The following CLIP3 variants were observed in gnomAD, a reference collection of about 807,000 sequenced individuals.
CLIP3 encodes the protein CAP-Gly domain-containing linker protein 3.
In CLIP3, 15 loss-of-function variants were observed where a neutral mutation model predicts 59.4. The observed-to-expected ratio is 0.25, with a 90% CI of 0.17 to 0.39. The LOEUF (loss-of-function observed/expected upper bound fraction) is 0.39. Ranked by LOEUF, CLIP3 falls within the 10% of genes least tolerant of loss-of-function variation. The pLI, the probability that CLIP3 is intolerant of heterozygous loss-of-function variation, is 1.00. For missense variants in CLIP3, 495 were observed against 765.7 expected (o/e 0.65, Z 4.17); for synonymous variants, 300 against 321.6 (o/e 0.93, Z 0.72).
chr19:36,020,110 G>A (rs1415463157), intron 7 of CLIP3, among the ~76,000 whole-genome samples: 1 of 152,020 alleles, frequency 6.6e-6, no homozygotes, highest in Non-Finnish European at 1.5e-5. Flanking sequence ...AAGGTAACCA[G>A]GTGCAGTAGC....
rs1422426299 is a variant in CLIP3, at chr19:36,024,659, G to A, written c.682-27C>T. 2.5e-6 allele frequency: 4 copies of A among 1,605,544 alleles called. No individual in the cohort carries two copies. The South Asian group carries it at 4.4e-5, about 18-fold the overall frequency. Reference sequence around the variant, plus strand: ...TGGGGGCCAATGGGAAAAGAAGGCAGGGACTCAGTGGCACAGGTCACACCC... The same window carrying A: ...TGGGGGCCAATGGGAAAAGAAGGCAAGGACTCAGTGGCACAGGTCACACCC... On this transcript the variant is annotated intron_variant, in intron 6 of 13. Transcript: ENST00000360535.
chr19:36,019,676 C>G (rs959952267), intron 7 of CLIP3, among the ~76,000 whole-genome samples: 1 of 151,104 alleles, frequency 6.6e-6, no homozygotes, highest in Non-Finnish European at 1.5e-5. Context: ...GATCTCGGCT[C>G]ACTGCAAATT....
At chr19:36,023,914 C>T (rs1239636869) in intron 7 of CLIP3, among the ~76,000 whole-genome samples, 1 of 152,160 alleles carries the variant, frequency 6.6e-6, no homozygotes, top group Non-Finnish European at 1.5e-5. Flanking sequence ...AGCTGTGATA[C>T]CCGCTCCCCC....
intron 6 of CLIP3, among the ~76,000 whole-genome samples, chr19:36,025,614 G>A (rs1401032163): frequency 6.7e-6 from 1 of 149,676 alleles, no homozygotes; most frequent in Non-Finnish European, 1.5e-5. Flanking sequence ...AAAAATTAGA[G>A]AGAGTGAGAG....
chr19:36,024,188 C>G (rs925563358), intron 7 of CLIP3, among the ~76,000 whole-genome samples: 1 of 152,206 alleles, frequency 6.6e-6, no homozygotes, highest in Non-Finnish European at 1.5e-5. Context: ...GGTTGTTTCC[C>G]ACCCTGGATG....
At position 36,026,468 on chromosome 19, in the gene CLIP3, AC is replaced by A; in HGVS notation, c.562+117del. On this transcript the variant is annotated intron_variant, in intron 5 of 13. Transcript: ENST00000360535. This position sits in a 1 kb window ranked among gnomAD's most constrained non-coding sequence, Gnocchi z 6.3. The stretch of plus-strand genomic sequence containing the variant: ...CTGAGCCCCCTCTCCCACGCCTCCA[AC>A]CTCCCGCTATCTCCTCAGATCACCG... 7.0e-7 allele frequency: 1 copy of A among 1,430,898 alleles called. No individual in the cohort carries two copies. The highest frequency in any genetic ancestry group is 9.5e-7 in the Non-Finnish European group (1 of 1,053,024). The allele number at this position is 1,430,898 out of a possible 1,614,324, so 88.6% of individuals were successfully genotyped here. A position where few individuals can be genotyped will look rare whatever the true frequency, so the allele number is the denominator to read the frequency against.
intron 7 of CLIP3, among the ~76,000 whole-genome samples, chr19:36,022,748 C>G (rs1337455050): frequency 6.6e-6 from 1 of 152,002 alleles, no homozygotes; most frequent in East Asian, 1.9e-4. Context: ...TGGTGAAACC[C>G]GTTGCTACTA....
chr19:36,016,898 G>T lies in CLIP3; in HGVS notation c.1589+9C>A. 2 of 1,613,388 alleles carry T rather than the reference G, an allele frequency of 1.2e-6. No homozygotes were observed. The highest frequency in any genetic ancestry group is 1.7e-6 in the Non-Finnish European group (2 of 1,179,628). On this transcript the variant is annotated intron_variant, in intron 13 of 13. Transcript: ENST00000360535. This position sits in a 1 kb window ranked among gnomAD's most constrained non-coding sequence, Gnocchi z 4.1. ...CACATAGGAGAGGGGACAGGGGTTGGCCACACACCTGGAAATGGAGTTCTC... is the reference window on the plus strand; with the variant it reads ...CACATAGGAGAGGGGACAGGGGTTGTCCACACACCTGGAAATGGAGTTCTC...
In CLIP3 at chr19:36,018,981, G is replaced by C. The variant is rs956148358; in HGVS notation, c.1100C>G (p.Pro367Arg). 22 of 1,604,162 alleles carry C rather than the reference G, an allele frequency of 1.4e-5. No individual in the cohort carries two copies. The highest frequency in any genetic ancestry group is 1.6e-5 in the Non-Finnish European group (19 of 1,175,326). The change falls in exon 9 of 14, where the codon CCC (proline) becomes CGC (arginine). Residue 367 changes from proline to arginine, a missense_variant. Around this residue, in one of 5 missense-constraint regions of CLIP3, gnomAD observed 179 missense variants for 226.2 expected, o/e 0.79. Coordinates refer to ENST00000360535, the MANE Select transcript of CLIP3 (RefSeq NM_015526.3). The part of the protein sequence containing the change: ...VSKISKAVDA[P>R]PSSVTSTPRT... The stretch of plus-strand genomic sequence containing the variant: ...GGGTGTGGAGGTGACAGAGGAGGGG[G>C]GTGCGTCCACTGCCTTGGAGATCTT...
Position 36,016,531 on chromosome 19 carries a change from A to G in CLIP3, c.1590-319T>C, listed in dbSNP as rs1968803967. ...TCCGGCTAACTTTTGTGTTTTTGGT[A>G]GAGACGGGGTTTCACCATGTTGGCC... is the stretch of plus-strand genomic sequence containing the variant. On this transcript the variant is annotated intron_variant, in intron 13 of 13. Coordinates refer to ENST00000360535, the MANE Select transcript of CLIP3 (RefSeq NM_015526.3). The surrounding 1 kb of genome is among the most constrained non-coding windows in gnomAD (Gnocchi z 4.1). Among the ~76,000 whole-genome samples the G allele has an allele frequency of 6.6e-6, 1 of 152,172 alleles. No individual in the cohort carries two copies. The highest frequency in any genetic ancestry group is 6.5e-5 in the Admixed American group (1 of 15,280).
In CLIP3 at chr19:36,015,367, C is replaced by T. The variant is rs936322483; in HGVS notation, c.*791G>A. On this transcript the variant is annotated 3_prime_UTR_variant, in exon 14 of 14. Coordinates refer to ENST00000360535, the MANE Select transcript of CLIP3 (RefSeq NM_015526.3). ...TTTGGGGTCCCCCAAAGGGGGAAGT[C>T]GTTACTTAAAAAATAGAGAATTTTC... is the stretch of plus-strand genomic sequence containing the variant. The T allele has an allele frequency of 5.2e-5, 8 of 152,452 alleles. No homozygotes were observed. The highest frequency in any genetic ancestry group is 1.7e-4 in the African/African-American group (7 of 41,364). 9.4% of individuals were successfully genotyped at this position (152,452 alleles called of 1,614,324 possible). A position where few individuals can be genotyped will look rare whatever the true frequency, so the allele number is the denominator to read the frequency against.
chr19:36,017,684 C>G lies in CLIP3; in HGVS notation c.1422G>C (p.Gly474=), dbSNP rs1968836656. Residue 474 remains glycine (G), a synonymous_variant, in exon 11 of 14, where the codon GGG becomes GGC. Transcript: ENST00000360535. ...GAATACGGGATGCTGGTGCGAAGACCCCATGCCTCGGGGGGCAAGTGAAGT... is the reference window on the plus strand; with the variant it reads ...GAATACGGGATGCTGGTGCGAAGACGCCATGCCTCGGGGGGCAAGTGAAGT... ...VRYFTCPPRH[G]VFAPASRIQR... is the part of the protein sequence containing the mutation. 1.2e-6 allele frequency: 2 copies of G among 1,613,964 alleles called. No individual in the cohort carries two copies. Among genetic ancestry groups the G allele is most frequent in the Non-Finnish European group, 1.7e-6 (2 of 1,179,938 alleles).
At chr19:36,018,046 C>A in intron 9 of CLIP3, 55 bp from the exon 10 acceptor site, 4 of 1,595,738 alleles carry the variant, frequency 2.5e-6, no homozygotes, top group Non-Finnish European at 3.4e-6. Context: ...GCTTTGGGAA[C>A]CTCGTGCCAC....
intron 2 of CLIP3, among the ~76,000 whole-genome samples, chr19:36,031,381 C>A (rs919785690): frequency 6.6e-6 from 1 of 152,186 alleles, no homozygotes; most frequent in Admixed American, 6.6e-5. Flanking sequence ...ATTTATTTAT[C>A]TGTTCACTTG....
chr19:36,018,050 G>A (rs1364914400), intron 9 of CLIP3, 59 bp from the exon 10 acceptor site: 40 of 1,592,080 alleles, frequency 2.5e-5, no homozygotes, highest in Admixed American at 3.5e-5. Context: ...TGGGAACCTC[G>A]TGCCACCTGG....
intron 7 of CLIP3, among the ~76,000 whole-genome samples, chr19:36,021,451 A>AT (rs1968949897): frequency 1.3e-5 from 2 of 150,574 alleles, no homozygotes; most frequent in Admixed American, 1.3e-4. Context: ...TGCCTGATTA[A>AT]TTTTTTCATT....
chr19:36,030,732 A>G (rs989968244), intron 2 of CLIP3, among the ~76,000 whole-genome samples: 7 of 152,176 alleles, frequency 4.6e-5, no homozygotes, highest in Non-Finnish European at 5.9e-5. Context: ...GCCTATGCCA[A>G]CCTCTCACCT....
In CLIP3 at chr19:36,026,802, G is replaced by A; in HGVS notation, c.401-55C>T. The A allele has an allele frequency of 6.4e-7, 1 of 1,569,290 alleles. No homozygotes were observed. The highest frequency in any genetic ancestry group is 8.6e-7 in the Non-Finnish European group (1 of 1,162,496). On this transcript the variant is annotated intron_variant, in intron 4 of 13. Transcript: ENST00000360535. The surrounding 1 kb of genome is among the most constrained non-coding windows in gnomAD (Gnocchi z 6.3). ...CCCCATTCCAGAGCATGGGCCCAGT[G>A]CACGGGGAGGACCCTGGGCTTCAGG... is the stretch of plus-strand genomic sequence containing the variant.
chr19:36,017,252 G>A (rs1968821732), intron 12 of CLIP3, 134 bp downstream of exon 12: 1 of 929,076 alleles, frequency 1.1e-6, no homozygotes, highest in South Asian at 1.5e-5. Flanking sequence ...TGTGGACCTT[G>A]TCTCATCATT....
Sources: gnomAD v4.1 joint callset for allele counts (sites outside exome capture counted in the v4.1 genomes callset) on GRCh38, gnomAD v4.1.1 for gene constraint, gnomAD v4.1.1 regional missense constraint, Gnocchi (gnomAD v3.1) non-coding constraint, MANE v1.5 for transcripts, NCBI Gene and HGNC (gene_info 2026-07-23, HGNC 2026-07-21) for gene names.